The following KLRF1 variants were observed in gnomAD, a reference collection of about 807,000 sequenced individuals.
KLRF1 encodes killer cell lectin-like receptor subfamily F member 1.
KLRF1 carries 27 observed loss-of-function variants against 30.7 expected under a neutral mutation model. The observed-to-expected ratio is 0.88, with a 90% CI of 0.65 to 1.21. KLRF1 has a LOEUF of 1.21. Ranked by LOEUF, KLRF1 falls within the 50% of genes most tolerant of loss-of-function variation. KLRF1 has a pLI of 0.00. For missense variants in KLRF1, 246 were observed against 259.3 expected (o/e 0.95, Z 0.35); for synonymous variants, 92 against 89.3 (o/e 1.03, Z -0.17).
At chr12:9,810,981 G>A in the KLRF1 span, among the ~76,000 whole-genome samples, 1 of 152,178 alleles carries the variant, frequency 6.6e-6, no homozygotes, top group Non-Finnish European at 1.5e-5. Context: ...TAACCACAGA[G>A]TAAAAGCAGA....
intron 3 of KLRF1, among the ~76,000 whole-genome samples, chr12:9,837,622 A>G (rs1362160911): frequency 6.6e-6 from 1 of 152,090 alleles, no homozygotes; most frequent in East Asian, 1.9e-4. Flanking sequence ...TTTCCTCTCA[A>G]GCTTTTCAGT....
chr12:9,834,128 G>C (rs894338741), intron 3 of KLRF1, among the ~76,000 whole-genome samples: 2 of 148,790 alleles, frequency 1.3e-5, no homozygotes, highest in Non-Finnish European at 2.9e-5. Context: ...GCCACGATGA[G>C]CCAGGAGAAG....
At chr12:9,810,304 G>C in the KLRF1 span, among the ~76,000 whole-genome samples, 15 of 152,274 alleles carry the variant, frequency 9.9e-5, no homozygotes, top group African/African-American at 3.6e-4. Flanking sequence ...AGCCTGAACG[G>C]AAGTTAAGCT....
upstream of KLRF1, among the ~76,000 whole-genome samples, chr12:9,823,876 A>G (rs1395007974): frequency 6.6e-6 from 1 of 152,122 alleles, no homozygotes; most frequent in Non-Finnish European, 1.5e-5. Flanking sequence ...AAACTAGAAA[A>G]CTTCGAAGAT....
the KLRF1 span, among the ~76,000 whole-genome samples, chr12:9,813,502 A>G: frequency 6.6e-6 from 1 of 152,070 alleles, no homozygotes; most frequent in Non-Finnish European, 1.5e-5. Context: ...CAAATTTACA[A>G]GGTCGCAATT....
At chr12:9,818,192 T>C in the KLRF1 span, among the ~76,000 whole-genome samples, 1 of 152,334 alleles carries the variant, frequency 6.6e-6, no homozygotes, top group Middle Eastern at 3.4e-3. Context: ...AGCTGGACTG[T>C]CTCTTCTGAG....
chr12:9,804,707 C>T, the KLRF1 span, among the ~76,000 whole-genome samples: 1 of 151,946 alleles, frequency 6.6e-6, no homozygotes, highest in East Asian at 1.9e-4. Context: ...ATATCCTTGT[C>T]TTGTTCCTGA....
the KLRF1 span, among the ~76,000 whole-genome samples, chr12:9,800,997 T>C: frequency 6.6e-6 from 1 of 151,830 alleles, no homozygotes; most frequent in South Asian, 2.1e-4. Context: ...CTCCCTCCCC[T>C]TCCCCCCATC....
At chr12:9,817,450 G>A in the KLRF1 span, 1,079 of 437,488 alleles carry the variant, frequency 2.5e-3, 6 homozygotes, top group Middle Eastern at 4.4e-3. Flanking sequence ...TAAACAGGTC[G>A]TAGATTCTCT....
chr12:9,806,076 C>T, the KLRF1 span, among the ~76,000 whole-genome samples: 6 of 151,516 alleles, frequency 4.0e-5, no homozygotes, highest in Non-Finnish European at 7.4e-5. Context: ...AGGCTTATTT[C>T]GTTGTACATT....
intron 3 of KLRF1, among the ~76,000 whole-genome samples, chr12:9,837,491 C>A (rs1321278245): frequency 6.6e-6 from 1 of 151,862 alleles, no homozygotes; most frequent in African/African-American, 2.4e-5. Flanking sequence ...GATCTTAGGA[C>A]CTTTTCAGGT....
At chr12:9,835,287 A>G (rs1197188106) in intron 3 of KLRF1, among the ~76,000 whole-genome samples, 1 of 152,088 alleles carries the variant, frequency 6.6e-6, no homozygotes, top group Non-Finnish European at 1.5e-5. Context: ...GGAGATGCAA[A>G]GTAAAAAGAT....
In KLRF1 at chr12:9,833,901, CTTTTTTTTTTTT is replaced by C. The variant is rs35443913; in HGVS notation, c.334+463_334+474del. Among the ~76,000 whole-genome samples the C allele has an allele frequency of 1.8e-4, 15 of 82,406 alleles. 1 individual carries two copies. The highest frequency in any genetic ancestry group is 1.5e-3 in the South Asian group (4 of 2,582). 54.1% of individuals were successfully genotyped at this position (82,406 alleles called of 152,430 possible). ...TTACCTTCTATTTTTAAATGTTTAA[CTTTTTTTTTTTT>C]TTTTTTTTTTTTTGAGCAACAAGGC... On this transcript the variant is annotated intron_variant, in intron 3 of 5. Coordinates refer to ENST00000617889, the MANE Select transcript of KLRF1 (RefSeq NM_016523.3).
At chr12:9,815,377 T>C in the KLRF1 span, among the ~76,000 whole-genome samples, 3 of 152,254 alleles carry the variant, frequency 2.0e-5, no homozygotes, top group African/African-American at 7.2e-5. Context: ...CACTAACTTC[T>C]GAGAGAAGAT....
At chr12:9,811,542 G>A in the KLRF1 span, among the ~76,000 whole-genome samples, 2 of 152,090 alleles carry the variant, frequency 1.3e-5, no homozygotes, top group African/African-American at 2.4e-5. Context: ...CCCAAACTAA[G>A]CAGATCCAAT....
chr12:9,835,761 A>T (rs1057038113), intron 3 of KLRF1, among the ~76,000 whole-genome samples: 2 of 152,142 alleles, frequency 1.3e-5, no homozygotes, highest in African/African-American at 4.8e-5. Flanking sequence ...TTGCCGAGAG[A>T]TACATAAAGG....
the KLRF1 span, among the ~76,000 whole-genome samples, chr12:9,815,890 C>G: frequency 6.6e-6 from 1 of 152,218 alleles, no homozygotes; most frequent in South Asian, 2.1e-4. Context: ...GTGATCTCAG[C>G]TCACTGAAAC....
chr12:9,801,536 C>T, the KLRF1 span, among the ~76,000 whole-genome samples: 1 of 151,996 alleles, frequency 6.6e-6, no homozygotes, highest in Admixed American at 6.6e-5. Flanking sequence ...TAATAATCGC[C>T]ATTCTGAATG....
chr12:9,817,828 A>C, the KLRF1 span: 1 of 195,680 alleles, frequency 5.1e-6, no homozygotes, highest in African/African-American at 2.4e-5. Flanking sequence ...TGAAACCTCA[A>C]GTTTAGTCTC....
Sources: gnomAD v4.1 joint callset for allele counts (sites outside exome capture counted in the v4.1 genomes callset) on GRCh38, gnomAD v4.1.1 for gene constraint, MANE v1.5 for transcripts, NCBI Gene and HGNC (gene_info 2026-07-23, HGNC 2026-07-21) for gene names.